RTN4: variants seen among roughly 807,000 people sequenced by gnomAD.
RTN4 encodes reticulon-4.
A neutral mutation model predicts 90.4 loss-of-function variants in RTN4; 32 were observed. The ratio of observed to expected loss-of-function variants is 0.35; its 90% confidence interval spans 0.27 to 0.48. The LOEUF (loss-of-function observed/expected upper bound fraction) is 0.48. RTN4 is among the 20% of genes least tolerant of loss of function. The pLI is 0.99. For synonymous variants in RTN4, 629 were observed against 552.5 expected, an observed-to-expected ratio of 1.14 and a Z score of -1.94; for missense variants, 1,706 against 1,430.2, an observed-to-expected ratio of 1.19 and a Z score of -3.11.
chr2:54,993,075 G>A (rs58711602), intron 3 of RTN4, among the ~76,000 whole-genome samples: 17,243 of 64,332 alleles, frequency 0.27, 1,987 homozygotes, highest in African/African-American at 0.45. Context: ...CTCCATCTCG[G>A]AAAAAAAAAA....
chr2:55,027,621 G>A (rs376517375), intron 2 of RTN4, 136 bp from the exon 3 acceptor site: 4 of 839,560 alleles, frequency 4.8e-6, no homozygotes, highest in Non-Finnish European at 7.2e-6. Context: ...CAATTAATAA[G>A]TAACAATAGA....
At chr2:55,103,797 C>T (rs1210800358) in intron 1 of RTN4, among the ~76,000 whole-genome samples, 10 of 151,628 alleles carry the variant, frequency 6.6e-5, no homozygotes, top group African/African-American at 1.7e-4. Flanking sequence ...CGGGTTCAAA[C>T]GATTCTCCTG....
chr2:55,063,226 AAATAGAAGATGGG>A (rs1356207964), intron 2 of RTN4, among the ~76,000 whole-genome samples: 1 of 152,258 alleles, frequency 6.6e-6, no homozygotes, highest in African/African-American at 2.4e-5. Context: ...TATTTTAAAA[AAATAGAAGATGGG>A]AATAGAAGAT....
intron 2 of RTN4, among the ~76,000 whole-genome samples, chr2:55,077,729 C>T (rs1668627846): frequency 6.8e-6 from 1 of 147,820 alleles, no homozygotes; most frequent in Non-Finnish European, 1.5e-5. Flanking sequence ...GCCCATCAAT[C>T]AACAAGTGGA....
chr2:55,106,769 C>G (rs1002900059), intron 1 of RTN4, among the ~76,000 whole-genome samples: 4 of 152,170 alleles, frequency 2.6e-5, no homozygotes, highest in Non-Finnish European at 5.9e-5. Context: ...ATCCACCGGC[C>G]TAGGCCTCCC....
At chr2:55,111,590 T>A (rs1573524575) in intron 1 of RTN4, among the ~76,000 whole-genome samples, 2 of 152,068 alleles carry the variant, frequency 1.3e-5, no homozygotes, top group East Asian at 1.9e-4. Context: ...CCACAGCACC[T>A]CCCACCCTCT....
intron 3 of RTN4, among the ~76,000 whole-genome samples, chr2:55,006,843 C>T (rs1302065817): frequency 1.3e-5 from 2 of 152,044 alleles, no homozygotes; most frequent in African/African-American, 4.8e-5. Flanking sequence ...TCTTTTACTG[C>T]TCTAGAACCT....
the RTN4 span, among the ~76,000 whole-genome samples, chr2:55,137,110 G>C: frequency 6.6e-6 from 1 of 152,226 alleles, no homozygotes; most frequent in Admixed American, 6.5e-5. Context: ...TCCGTCTGGG[G>C]AGCTGAGGAA....
the RTN4 span, among the ~76,000 whole-genome samples, chr2:55,127,984 C>T: frequency 6.6e-6 from 1 of 151,854 alleles, no homozygotes; most frequent in Admixed American, 6.6e-5. Flanking sequence ...GCCATCATGG[C>T]TCATTGCAGT....
At chr2:54,997,776 AC>A (rs1679547356) in intron 3 of RTN4, among the ~76,000 whole-genome samples, 1 of 152,232 alleles carries the variant, frequency 6.6e-6, no homozygotes, top group Non-Finnish European at 1.5e-5. Flanking sequence ...TGAGTATAGT[AC>A]AATGAGATAT....
chr2:55,120,853 T>C, the RTN4 span, among the ~76,000 whole-genome samples: 2 of 152,100 alleles, frequency 1.3e-5, no homozygotes, highest in Non-Finnish European at 2.9e-5. Flanking sequence ...AGCTCGGGTC[T>C]CCGGCTTACA....
Position 55,025,523 on chromosome 2 carries a change from A to C in RTN4, c.2576T>G (p.Phe859Cys). 6.2e-7 allele frequency: 1 copy of C among 1,613,774 alleles called. No homozygotes were observed. Among genetic ancestry groups the C allele is most frequent in the Non-Finnish European group, 8.5e-7 (1 of 1,179,826 alleles). ...KEAQIRETETFSDSSPIEIID... is the reference protein window; with the variant it reads ...KEAQIRETETCSDSSPIEIID... ...AATTTCAATTGGAGATGAATCTGAAAACGTTTCAGTTTCTCTTATCTGTGC... is the reference window on the plus strand; with the variant it reads ...AATTTCAATTGGAGATGAATCTGAACACGTTTCAGTTTCTCTTATCTGTGC... Residue 859 changes from phenylalanine to cysteine, a missense_variant, in exon 3 of 9, where the codon TTT (phenylalanine) becomes TGT (cysteine). Transcript: ENST00000337526.
chr2:55,082,050 G>C (rs1489743012), intron 1 of RTN4, among the ~76,000 whole-genome samples: 1 of 151,980 alleles, frequency 6.6e-6, no homozygotes, highest in African/African-American at 2.4e-5. Context: ...ACTTTACTTG[G>C]TAGAAGGCCT....
At chr2:55,107,403 CAAAAAAAAAAA>C (rs35664699) in intron 1 of RTN4, among the ~76,000 whole-genome samples, 2 of 101,234 alleles carry the variant, frequency 2.0e-5, no homozygotes, top group Non-Finnish European at 3.8e-5. Flanking sequence ...GACTGAACCT[CAAAAAAAAAAA>C]AAAAAAAAAG....
intron 1 of RTN4, among the ~76,000 whole-genome samples, chr2:55,036,897 A>C (rs1441106511): frequency 2.0e-5 from 3 of 152,236 alleles, no homozygotes; most frequent in Non-Finnish European, 4.4e-5. Context: ...GTGTTAAACA[A>C]GCAATCTACC....
At chr2:55,008,630 TCAAA>T (rs1680409772) in intron 3 of RTN4, among the ~76,000 whole-genome samples, 1 of 152,086 alleles carries the variant, frequency 6.6e-6, no homozygotes, top group South Asian at 2.1e-4. Flanking sequence ...CTAAAAATAA[TCAAA>T]CAAATCTCTG....
intron 3 of RTN4, among the ~76,000 whole-genome samples, chr2:55,013,557 C>A (rs1680798043): frequency 7.9e-6 from 1 of 126,576 alleles, no homozygotes; most frequent in South Asian, 2.4e-4. Flanking sequence ...AAACAAGAAA[C>A]TCTTTTATGA....
intron 1 of RTN4, among the ~76,000 whole-genome samples, chr2:55,111,799 C>G (rs1342596965): frequency 6.6e-6 from 1 of 152,168 alleles, no homozygotes; most frequent in African/African-American, 2.4e-5. Flanking sequence ...CAGATATTCA[C>G]TGAAATGTCC....
intron 3 of RTN4, among the ~76,000 whole-genome samples, chr2:55,020,479 T>C (rs540172626): frequency 1.3e-5 from 2 of 151,968 alleles, no homozygotes; most frequent in African/African-American, 4.8e-5. Flanking sequence ...TCATTGATAC[T>C]ACTACTGAGA....
Sources: gnomAD v4.1 joint callset for allele counts (sites outside exome capture counted in the v4.1 genomes callset) on GRCh38, gnomAD v4.1.1 for gene constraint, MANE v1.5 for transcripts, NCBI Gene and HGNC (gene_info 2026-07-23, HGNC 2026-07-21) for gene names.